MAP2: variants seen among roughly 807,000 people sequenced by gnomAD.
MAP2 encodes the protein microtubule associated protein 2.
A neutral mutation model predicts 137.6 loss-of-function variants in MAP2; 14 were observed. The observed-to-expected ratio is 0.10, with a 90% CI of 0.07 to 0.16. The LOEUF (loss-of-function observed/expected upper bound fraction) is 0.16. Among genes scored for constraint, MAP2 ranks in the 10% least tolerant of loss-of-function variants. The probability of loss-of-function intolerance (pLI) is 1.00; values close to 1 mark genes in which losing one functional copy is unlikely to be tolerated. For missense variants in MAP2, 2,088 were observed against 2,191.5 expected (o/e 0.95, Z 0.94); for synonymous variants, 786 against 782.3 (o/e 1.00, Z -0.08).
chr2:209,588,763 GA>G (rs1349262647), intron 3 of MAP2, among the ~76,000 whole-genome samples: 1 of 151,768 alleles, frequency 6.6e-6, no homozygotes, highest in African/African-American at 2.4e-5. Flanking sequence ...ATAACTTCAG[GA>G]AAATTTGTGA....
In MAP2 at chr2:209,698,597, T is replaced by C. The variant is rs561109974; in HGVS notation, c.4522+1546T>C. ...TTGTGTTCTTCATCTAGAAATCATA[T>C]CATGTGCTTTCCTTCAAAAACAAGA... On this transcript the variant is annotated intron_variant, in intron 10 of 15. Transcript: ENST00000682079. Among the ~76,000 whole-genome samples, 259 of 152,304 alleles carry C rather than the reference T, an allele frequency of 1.7e-3. 1 individual carries two copies. Among genetic ancestry groups the C allele is most frequent in the Non-Finnish European group, 3.1e-3 (212 of 68,010 alleles).
At chr2:209,503,056 A>G (rs2060595847) in intron 1 of MAP2, among the ~76,000 whole-genome samples, 1 of 139,448 alleles carries the variant, frequency 7.2e-6, no homozygotes, top group South Asian at 2.2e-4. Flanking sequence ...GCAGGAGTTC[A>G]GTGCACAGTC....
In MAP2 at chr2:209,598,107, G is replaced by A. The variant is rs1011276580; in HGVS notation, c.-107+18007G>A. On this transcript the variant is annotated intron_variant, in intron 3 of 15. Transcript: ENST00000682079. ...TGCAACCTCTGCCTCCCAGGTTCAAGTGATTCTCCTGCCTCAGCCTCCCAC... is the reference window on the plus strand; with the variant it reads ...TGCAACCTCTGCCTCCCAGGTTCAAATGATTCTCCTGCCTCAGCCTCCCAC... Among the ~76,000 whole-genome samples the A allele has an allele frequency of 2.0e-5, 3 of 152,206 alleles. No individual in the cohort carries two copies. In the East Asian group the frequency reaches 5.8e-4, roughly 29 times the overall value.
intron 1 of MAP2, among the ~76,000 whole-genome samples, chr2:209,505,305 A>C (rs2060897905): frequency 6.6e-6 from 1 of 152,186 alleles, no homozygotes; most frequent in Admixed American, 6.5e-5. Context: ...TGAAAAAATG[A>C]TACACATAAA....
intron 1 of MAP2, among the ~76,000 whole-genome samples, chr2:209,456,904 T>C (rs577291252): frequency 3.3e-5 from 5 of 152,314 alleles, no homozygotes; most frequent in South Asian, 4.1e-4. Context: ...GTCTTTGTTA[T>C]AGATAAATTG....
chr2:209,524,618 C>G (rs2063756934), intron 2 of MAP2, among the ~76,000 whole-genome samples: 1 of 152,098 alleles, frequency 6.6e-6, no homozygotes, highest in South Asian at 2.1e-4. Context: ...ATACATTCAT[C>G]AACTTTCATT....
At chr2:209,483,909 G>A (rs896804406) in intron 1 of MAP2, among the ~76,000 whole-genome samples, 1 of 152,042 alleles carries the variant, frequency 6.6e-6, no homozygotes, top group African/African-American at 2.4e-5. Context: ...TTTCTTAGAG[G>A]CCTCAGAGCA....
At chr2:209,502,917 C>T (rs148683166) in intron 1 of MAP2, among the ~76,000 whole-genome samples, 32 of 151,696 alleles carry the variant, frequency 2.1e-4, no homozygotes, top group Admixed American at 2.1e-3. Context: ...GTCCTTTGCT[C>T]ATTTTTAAAT....
intron 1 of MAP2, among the ~76,000 whole-genome samples, chr2:209,445,157 C>T (rs538294677): frequency 6.6e-6 from 1 of 151,724 alleles, no homozygotes; most frequent in African/African-American, 2.4e-5. Flanking sequence ...TCCAAAGCGG[C>T]TTCCACATTT....
intron 2 of MAP2, among the ~76,000 whole-genome samples, chr2:209,529,977 A>G (rs1015601196): frequency 7.4e-6 from 1 of 134,284 alleles, no homozygotes; most frequent in African/African-American, 2.8e-5. Context: ...TTCCTTAGGT[A>G]TATTTAATTT....
chr2:209,528,210 C>A (rs946076044), intron 2 of MAP2, among the ~76,000 whole-genome samples: 3 of 151,998 alleles, frequency 2.0e-5, no homozygotes, highest in Admixed American at 1.3e-4. Context: ...CCAAACTTCC[C>A]ACATGGTATA....
chr2:209,588,862 A>G (rs2078471123), intron 3 of MAP2, among the ~76,000 whole-genome samples: 1 of 152,172 alleles, frequency 6.6e-6, no homozygotes, highest in Admixed American at 6.6e-5. Context: ...TGACTTTCCA[A>G]GATGACATTT....
intron 3 of MAP2, among the ~76,000 whole-genome samples, chr2:209,605,042 A>T (rs965623232): frequency 1.3e-5 from 2 of 152,204 alleles, no homozygotes; most frequent in Admixed American, 1.3e-4. Flanking sequence ...GCAGAAATAT[A>T]CTAAAAGAGT....
At chr2:209,438,692 A>G (rs927017281) in intron 1 of MAP2, among the ~76,000 whole-genome samples, 1 of 151,502 alleles carries the variant, frequency 6.6e-6, no homozygotes, top group Non-Finnish European at 1.5e-5. Flanking sequence ...TTAGAAAAGT[A>G]CTATTGGCTT....
At chr2:209,461,147 A>T (rs924759415) in intron 1 of MAP2, among the ~76,000 whole-genome samples, 3 of 152,250 alleles carry the variant, frequency 2.0e-5, no homozygotes, top group African/African-American at 7.2e-5. Context: ...TATTAAGTAA[A>T]CTTAATTATT....
intron 5 of MAP2, among the ~76,000 whole-genome samples, chr2:209,673,042 T>C (rs921816794): frequency 1.3e-5 from 2 of 151,844 alleles, no homozygotes; most frequent in South Asian, 2.1e-4. Flanking sequence ...CCCATCTTTG[T>C]TTCCCAGGAA....
At chr2:209,509,603 T>C (rs576410608) in intron 2 of MAP2, among the ~76,000 whole-genome samples, 2 of 152,040 alleles carry the variant, frequency 1.3e-5, no homozygotes, top group African/African-American at 4.8e-5. Flanking sequence ...TAAAACTATA[T>C]TAACTCACTA....
chr2:209,486,350 A>G (rs2058376627), intron 1 of MAP2, among the ~76,000 whole-genome samples: 1 of 151,922 alleles, frequency 6.6e-6, no homozygotes, highest in Non-Finnish European at 1.5e-5. Flanking sequence ...GCCCCAGCTG[A>G]GTAGCTGGGA....
intron 3 of MAP2, among the ~76,000 whole-genome samples, chr2:209,623,280 T>G (rs1470128728): frequency 6.6e-6 from 1 of 152,178 alleles, no homozygotes; most frequent in Non-Finnish European, 1.5e-5. Context: ...AGCACTGTAT[T>G]TTTTAAAAAA....
Sources: gnomAD v4.1 joint callset for allele counts (sites outside exome capture counted in the v4.1 genomes callset) on GRCh38, gnomAD v4.1.1 for gene constraint, MANE v1.5 for transcripts, NCBI Gene and HGNC (gene_info 2026-07-23, HGNC 2026-07-21) for gene names.